The following SGK1 variants were observed in gnomAD, a reference collection of about 807,000 sequenced individuals.
SGK1 encodes serine/threonine-protein kinase Sgk1.
In SGK1, 26 loss-of-function variants were observed where a neutral mutation model predicts 64.2. That is an observed-to-expected ratio of 0.40 (90% CI 0.30 to 0.56). SGK1 has a LOEUF of 0.56. SGK1 is among the 20% of genes least tolerant of loss of function. The probability of loss-of-function intolerance (pLI) is 0.38; values close to 1 mark genes in which losing one functional copy is unlikely to be tolerated. For missense variants in SGK1, 519 were observed against 645.6 expected (o/e 0.80, Z 2.12); for synonymous variants, 265 against 239.7 (o/e 1.11, Z -0.98).
At chr6:134,279,156 G>T (rs1182021467) in intron 1 of SGK1, among the ~76,000 whole-genome samples, 2 of 152,168 alleles carry the variant, frequency 1.3e-5, no homozygotes, top group Non-Finnish European at 2.9e-5. Flanking sequence ...TACTGGCTGG[G>T]AGCAGTGGCT....
intron 3 of SGK1, among the ~76,000 whole-genome samples, chr6:134,185,278 AT>A (rs1223256653): frequency 6.6e-6 from 1 of 152,142 alleles, no homozygotes; most frequent in African/African-American, 2.4e-5. Flanking sequence ...GTTCTCCATA[AT>A]TTTTGTATTG....
chr6:134,242,156 C>T (rs888726616), intron 2 of SGK1, among the ~76,000 whole-genome samples: 3 of 151,994 alleles, frequency 2.0e-5, no homozygotes, highest in African/African-American at 4.8e-5. Flanking sequence ...GCTCATGAAC[C>T]GCAGAGGGAA....
chr6:134,202,315 A>C (rs1019645608), intron 3 of SGK1, among the ~76,000 whole-genome samples: 33 of 152,224 alleles, frequency 2.2e-4, no homozygotes, highest in African/African-American at 7.0e-4. Flanking sequence ...CATGTAGATA[A>C]AAGAAAACTA....
chr6:134,178,966 A>T (rs1035482131), intron 3 of SGK1, among the ~76,000 whole-genome samples: 67 of 150,138 alleles, frequency 4.5e-4, no homozygotes, highest in South Asian at 1.5e-3. Flanking sequence ...TTCAGAAAAA[A>T]TTTTTTCACT....
At chr6:134,261,570 GTTA>G in intron 2 of SGK1, 1 of 481,424 alleles carries the variant, frequency 2.1e-6, no homozygotes, top group Non-Finnish European at 3.7e-6. Context: ...GTGGATGCAT[GTTA>G]TTATACATTA....
chr6:134,298,593 G>A, intron 1 of SGK1: 1 of 980,958 alleles, frequency 1.0e-6, no homozygotes, highest in South Asian at 1.3e-5. Flanking sequence ...GGAGCTTGAG[G>A]AGCTGATGCA....
chr6:134,232,616 C>T (rs1036263987), intron 2 of SGK1, among the ~76,000 whole-genome samples: 4 of 151,720 alleles, frequency 2.6e-5, no homozygotes, highest in Non-Finnish European at 5.9e-5. Context: ...TTTGGGAGGC[C>T]GAGGTGGGCA....
rs146674353 is a variant in SGK1, at chr6:134,170,897, C to T, written c.1342G>A (p.Val448Ile). 5.8e-5 allele frequency: 94 copies of T among 1,610,862 alleles called. 1 individual carries two copies. The South Asian group carries it at 6.6e-4, about 11-fold the overall frequency. ...KDDFMEIKSH[V>I]FFSLINWDDL... Reference sequence around the variant, plus strand: ...TCCCAGTTAATTAAGGAGAAGAAGACATGACTCTTAATCTCCATCTGTTGA... The same window carrying T: ...TCCCAGTTAATTAAGGAGAAGAAGATATGACTCTTAATCTCCATCTGTTGA... Residue 448 changes from valine (V) to isoleucine (I), a missense_variant, in exon 13 of 14, where the codon GTC becomes ATC. Coordinates refer to ENST00000367858, the MANE Select transcript of SGK1 (RefSeq NM_001143676.3).
intron 2 of SGK1, among the ~76,000 whole-genome samples, chr6:134,240,504 T>C (rs1776426920): frequency 6.6e-6 from 1 of 151,872 alleles, no homozygotes; most frequent in African/African-American, 2.4e-5. Flanking sequence ...GCTCTGCCGC[T>C]GAATATCCTG....
intron 2 of SGK1, among the ~76,000 whole-genome samples, chr6:134,256,879 G>A (rs1412182064): frequency 2.6e-5 from 4 of 152,162 alleles, no homozygotes; most frequent in Non-Finnish European, 4.4e-5. Flanking sequence ...GGTAAAACAT[G>A]TTTCAAGGCC....
intron 2 of SGK1, among the ~76,000 whole-genome samples, chr6:134,215,379 G>A (rs1324065033): frequency 6.6e-6 from 1 of 151,826 alleles, no homozygotes; most frequent in East Asian, 2.0e-4. Context: ...GCCTCCTAAA[G>A]TGCTGGGATT....
At chr6:134,247,413 A>T (rs981140941) in intron 2 of SGK1, among the ~76,000 whole-genome samples, 2 of 152,104 alleles carry the variant, frequency 1.3e-5, no homozygotes, top group African/African-American at 4.8e-5. Flanking sequence ...AAATTTACCT[A>T]TATATGGCCC....
intron 2 of SGK1, among the ~76,000 whole-genome samples, chr6:134,232,483 G>GAAAGAAAGAA (rs1554222987): frequency 1.7e-5 from 2 of 119,506 alleles, no homozygotes; most frequent in African/African-American, 7.0e-5. Context: ...AAGAAAGAAA[G>GAAAGAAAGAA]AGAAAGAAAA....
chr6:134,170,283 C>T lies in SGK1; in HGVS notation c.1566G>A (p.Thr522=), dbSNP rs372966158. 60 of 1,612,392 alleles carry T rather than the reference C, an allele frequency of 3.7e-5. No individual in the cohort carries two copies. The highest frequency in any genetic ancestry group is 2.0e-4 in the East Asian group (9 of 44,860). ...AFLGFSYAPP[T]DSFL The stretch of plus-strand genomic sequence containing the variant: ...CTAACAGGGTTCAGAGGAAAGAGTC[C>T]GTGGGAGGCGCATAGGAAAAGCCTA... The change falls in exon 14 of 14, where the codon ACG becomes ACA. Residue 522 remains threonine, a synonymous_variant. Coordinates refer to ENST00000367858, the MANE Select transcript of SGK1 (RefSeq NM_001143676.3).
In SGK1 at chr6:134,169,475, CA is replaced by C. The variant is rs55984236; in HGVS notation, c.*792del. On this transcript the variant is annotated 3_prime_UTR_variant, in exon 14 of 14. Transcript: ENST00000367858. ...ACAATACATACAATTATCAGGAATG[CA>C]AAAAAAAAAACATAAATAATGCCCA... 14,950 of 138,428 alleles carry C rather than the reference CA, an allele frequency of 0.11. 799 individuals carry two copies. The highest frequency in any genetic ancestry group is 0.21 in the South Asian group (873 of 4,122). The allele number at this position is 138,428 out of a possible 1,614,324, so 8.6% of individuals were successfully genotyped here. A position where few individuals can be genotyped will look rare whatever the true frequency, so the allele number is the denominator to read the frequency against.
At chr6:134,223,090 C>T (rs974150894) in intron 2 of SGK1, among the ~76,000 whole-genome samples, 4 of 152,090 alleles carry the variant, frequency 2.6e-5, no homozygotes, top group African/African-American at 4.8e-5. Context: ...ATATAAGAGC[C>T]GGGCGCAGTG....
intron 1 of SGK1, among the ~76,000 whole-genome samples, chr6:134,263,308 C>A (rs1056717015): frequency 6.6e-6 from 1 of 152,232 alleles, no homozygotes; most frequent in Admixed American, 6.5e-5. Flanking sequence ...CTAATCATGG[C>A]TCACTGCAGT....
chr6:134,271,184 G>A (rs891060426), intron 1 of SGK1, among the ~76,000 whole-genome samples: 2 of 135,358 alleles, frequency 1.5e-5, no homozygotes, highest in South Asian at 2.4e-4. Context: ...TCGGGCGCGG[G>A]GGCACATGCC....
rs1223157014 is a variant in SGK1, at chr6:134,170,097, ATG to A, written c.*169_*170del. On this transcript the variant is annotated 3_prime_UTR_variant, in exon 14 of 14. Transcript: ENST00000367858. ...AAACCTCATGAGCTCACTGAGGAGA[ATG>A]TGCTCTTCAAAAAGCTTCCAGCGAA... The A allele has an allele frequency of 2.0e-6, 1 of 495,784 alleles. No individual in the cohort carries two copies. The allele number at this position is 495,784 out of a possible 1,614,324, so 30.7% of individuals were successfully genotyped here.
Sources: gnomAD v4.1 joint callset for allele counts (sites outside exome capture counted in the v4.1 genomes callset) on GRCh38, gnomAD v4.1.1 for gene constraint, MANE v1.5 for transcripts, NCBI Gene and HGNC (gene_info 2026-07-23, HGNC 2026-07-21) for gene names.